Variants in TOP1 observed in about 807,000 individuals in gnomAD.
The protein encoded by TOP1 is DNA topoisomerase I.
Under a neutral mutation model 111.1 loss-of-function variants are expected in TOP1, and 10 were observed. The ratio of observed to expected loss-of-function variants is 0.09; its 90% confidence interval spans 0.06 to 0.15. The LOEUF (loss-of-function observed/expected upper bound fraction) is 0.15. Among genes scored for constraint, TOP1 ranks in the 10% least tolerant of loss-of-function variants. TOP1 has a pLI of 1.00. For synonymous variants in TOP1, 271 were observed against 302.9 expected, an observed-to-expected ratio of 0.89 and a Z score of 1.10; for missense variants, 474 against 926.7, an observed-to-expected ratio of 0.51 and a Z score of 6.34.
intron 8 of TOP1, among the ~76,000 whole-genome samples, chr20:41,087,671 C>CA (rs1379698045): frequency 6.6e-6 from 1 of 152,198 alleles, no homozygotes; most frequent in African/African-American, 2.4e-5. Context: ...GATTAGCATT[C>CA]AGAAGCTACA....
At chr20:41,075,406 C>T (rs1349535589) in intron 3 of TOP1, among the ~76,000 whole-genome samples, 2 of 152,150 alleles carry the variant, frequency 1.3e-5, no homozygotes, top group East Asian at 1.9e-4. Context: ...CTCCTGACCT[C>T]GTGATCCGCC....
chr20:41,040,360 A>G (rs2033246323), intron 2 of TOP1, among the ~76,000 whole-genome samples: 1 of 152,236 alleles, frequency 6.6e-6, no homozygotes, highest in Non-Finnish European at 1.5e-5. Context: ...GAATGGATGC[A>G]ATGTAAGTAG....
At position 41,121,957 on chromosome 20, in the gene TOP1, C is replaced by T. The variant is rs764714396; in HGVS notation, c.2046-49C>T. 1.9e-6 allele frequency: 3 copies of T among 1,607,894 alleles called. No individual in the cohort carries two copies. The highest frequency in any genetic ancestry group is 2.5e-6 in the Non-Finnish European group (3 of 1,177,036). ...AGTGGCAGGATGGGTACAGTGTGCT[C>T]TTGTCTAGAGCCCAGGCCTGGTTCT... On this transcript the variant is annotated intron_variant, in intron 19 of 20. Coordinates refer to ENST00000361337, the MANE Select transcript of TOP1 (RefSeq NM_003286.4). This position sits in a 1 kb window ranked among gnomAD's most constrained non-coding sequence, Gnocchi z 4.2.
chr20:41,061,613 T>G lies in TOP1; in HGVS notation c.155+123T>G, dbSNP rs1479573793. The stretch of plus-strand genomic sequence containing the variant: ...ATAGCAAAGTAAGTAGAAACTGTAT[T>G]TGATCCTAGAGTTGCTATGAGGATG... On this transcript the variant is annotated intron_variant, in intron 3 of 20. Coordinates refer to ENST00000361337, the MANE Select transcript of TOP1 (RefSeq NM_003286.4). The surrounding 1 kb of genome is among the most constrained non-coding windows in gnomAD (Gnocchi z 4.6). 1.1e-5 allele frequency: 9 copies of G among 839,278 alleles called. No individual in the cohort carries two copies. The East Asian group carries it at 2.4e-4, about 22-fold the overall frequency. The allele number at this position is 839,278 out of a possible 1,614,324, so 52.0% of individuals were successfully genotyped here. A position where few individuals can be genotyped will look rare whatever the true frequency, so the allele number is the denominator to read the frequency against.
intron 11 of TOP1, among the ~76,000 whole-genome samples, chr20:41,099,166 A>T (rs1233257237): frequency 6.6e-6 from 1 of 152,224 alleles, no homozygotes; most frequent in African/African-American, 2.4e-5. Flanking sequence ...GTATTGATAT[A>T]ACTCATTGTT....
In TOP1 at chr20:41,061,123, A is replaced by G. The variant is rs184808001; in HGVS notation, c.59-271A>G. ...CTTAATAGTATTATGTCTAGGGAGAAAAACGCCAAACTGTGGCTTCTTTCC... is the reference window on the plus strand; with the variant it reads ...CTTAATAGTATTATGTCTAGGGAGAGAAACGCCAAACTGTGGCTTCTTTCC... On this transcript the variant is annotated intron_variant, in intron 2 of 20. Transcript: ENST00000361337. This position sits in a 1 kb window ranked among gnomAD's most constrained non-coding sequence, Gnocchi z 4.6. Among the ~76,000 whole-genome samples, 62 of 152,346 alleles carry G rather than the reference A, an allele frequency of 4.1e-4. No individual in the cohort carries two copies. The highest frequency in any genetic ancestry group is 1.4e-3 in the African/African-American group (60 of 41,580).
At chr20:41,051,433 G>A (rs2033404418) in intron 2 of TOP1, among the ~76,000 whole-genome samples, 4 of 152,144 alleles carry the variant, frequency 2.6e-5, no homozygotes, top group African/African-American at 9.7e-5. Context: ...TGGAATAGTT[G>A]ATAAAACAGT....
rs751049827 is a variant in TOP1 at position 41,122,258 on chromosome 20, C to G, written c.2195+103C>G. ...TCACATGCCATTCCTAAGCTACACA[C>G]TTTAGTCCTCTGGGGAAACTTCTGG... is the stretch of plus-strand genomic sequence containing the variant. On this transcript the variant is annotated intron_variant, in intron 20 of 20. Transcript: ENST00000361337. This position sits in a 1 kb window ranked among gnomAD's most constrained non-coding sequence, Gnocchi z 5.4. 19 of 1,225,394 alleles carry G rather than the reference C, an allele frequency of 1.6e-5. No homozygotes were observed. Among genetic ancestry groups the G allele is most frequent in the Admixed American group, 2.1e-5 (1 of 46,968 alleles). 75.9% of individuals were successfully genotyped at this position (1,225,394 alleles called of 1,614,324 possible).
At position 41,080,050 on chromosome 20, in the gene TOP1, C is replaced by G. The variant is rs762095972; in HGVS notation, c.336-35C>G. ...TTTGTATTAATAGAATACAGATGTT[C>G]TAGCACTCTGACCAGCAATTTTTTT... is the stretch of plus-strand genomic sequence containing the variant. On this transcript the variant is annotated intron_variant, in intron 5 of 20. Transcript: ENST00000361337. The surrounding 1 kb of genome is among the most constrained non-coding windows in gnomAD (Gnocchi z 5.0). 8.8e-6 allele frequency: 11 copies of G among 1,248,626 alleles called. No individual in the cohort carries two copies. Among genetic ancestry groups the G allele is most frequent in the Middle Eastern group, 4.5e-4 (2 of 4,486 alleles). 77.3% of individuals were successfully genotyped at this position (1,248,626 alleles called of 1,614,324 possible). A position where few individuals can be genotyped will look rare whatever the true frequency, so the allele number is the denominator to read the frequency against.
Position 41,118,897 on chromosome 20 carries a change from C to T in TOP1, c.1950+601C>T, listed in dbSNP as rs1383490054. ...TTGTCCCTGAGCCTCTTTCCTCCTC[C>T]TAACTCCGCCTGGTACTGAGCTTTT... On this transcript the variant is annotated intron_variant, in intron 18 of 20. Transcript: ENST00000361337. The surrounding 1 kb of genome is among the most constrained non-coding windows in gnomAD (Gnocchi z 4.6). Among the ~76,000 whole-genome samples the T allele has an allele frequency of 6.6e-6, 1 of 152,198 alleles. No individual in the cohort carries two copies. Among genetic ancestry groups the T allele is most frequent in the East Asian group, 1.9e-4 (1 of 5,198 alleles).
rs2033810539 is a variant in TOP1, at chr20:41,083,281, TA to T, written c.508-1179del. 6.6e-6 allele frequency among the ~76,000 whole-genome samples: 1 copy of T among 152,174 alleles called. No homozygotes were observed. Among genetic ancestry groups the T allele is most frequent in the Admixed American group, 6.5e-5 (1 of 15,282 alleles). The stretch of plus-strand genomic sequence containing the variant: ...CCTAAATAGTAAACATTATCTGAAT[TA>T]ATGTGATCCTGTAGTACCTTCTCCC... On this transcript the variant is annotated intron_variant, in intron 7 of 20. Transcript: ENST00000361337. This position sits in a 1 kb window ranked among gnomAD's most constrained non-coding sequence, Gnocchi z 7.2.
chr20:41,068,617 G>A (rs575629733), intron 3 of TOP1, among the ~76,000 whole-genome samples: 25 of 152,134 alleles, frequency 1.6e-4, no homozygotes, highest in African/African-American at 5.8e-4. Context: ...TGTTGCCCAG[G>A]GTGGTCTGGA....
rs1275471479 is a variant in TOP1, at chr20:41,069,768, A to G, written c.156-6403A>G. ...TCAATTTGGAGCCCTGATATTTTCAATATTATATTTATCCCTATCATAGTA... is the reference window on the plus strand; with the variant it reads ...TCAATTTGGAGCCCTGATATTTTCAGTATTATATTTATCCCTATCATAGTA... On this transcript the variant is annotated intron_variant, in intron 3 of 20. Transcript: ENST00000361337. This position sits in a 1 kb window ranked among gnomAD's most constrained non-coding sequence, Gnocchi z 4.1. Among the ~76,000 whole-genome samples the G allele has an allele frequency of 2.0e-5, 3 of 152,228 alleles. No individual in the cohort carries two copies. The highest frequency in any genetic ancestry group is 4.8e-5 in the African/African-American group (2 of 41,460).
Position 41,098,171 on chromosome 20 carries a change from AT to A in TOP1, c.853-40del, listed in dbSNP as rs2034008741. On this transcript the variant is annotated intron_variant, in intron 10 of 20. Transcript: ENST00000361337. The surrounding 1 kb of genome is among the most constrained non-coding windows in gnomAD (Gnocchi z 5.7). ...AAGAAACCCAAGGACTTATTAGTGT[AT>A]TTTCGTTGTTTTTCTTTCATCTCCC... The A allele has an allele frequency of 6.2e-7, 1 of 1,604,958 alleles. No homozygotes were observed. The highest frequency in any genetic ancestry group is 1.3e-5 in the African/African-American group (1 of 74,694).
Position 41,058,492 on chromosome 20 carries a change from C to G in TOP1, c.59-2902C>G, listed in dbSNP as rs1323829302. On this transcript the variant is annotated intron_variant, in intron 2 of 20. Coordinates refer to ENST00000361337, the MANE Select transcript of TOP1 (RefSeq NM_003286.4). The surrounding 1 kb of genome is among the most constrained non-coding windows in gnomAD (Gnocchi z 4.2). ...ATGGCTCATTCACATGGCTAATTGG[C>G]AGGAAGCTTAAGTTTCTTACTACAT... Among the ~76,000 whole-genome samples the G allele has an allele frequency of 1.3e-5, 2 of 152,192 alleles. No individual in the cohort carries two copies. The highest frequency in any genetic ancestry group is 2.9e-5 in the Non-Finnish European group (2 of 68,026).
chr20:41,044,488 G>C (rs1339129332), intron 2 of TOP1, among the ~76,000 whole-genome samples: 2 of 152,192 alleles, frequency 1.3e-5, no homozygotes, highest in African/African-American at 4.8e-5. Flanking sequence ...AATAACTTCA[G>C]TTGAAATGTT....
Position 41,029,210 on chromosome 20 carries a change from CCCCCGGTGAGGGGCCGCCTGCCGGAGT to C in TOP1, c.33+111_33+137del. On this transcript the variant is annotated intron_variant, in intron 1 of 20. Transcript: ENST00000361337. This position sits in a 1 kb window ranked among gnomAD's most constrained non-coding sequence, Gnocchi z 6.1. ...GCCCGGCAGCTTTGACAGGCCGGAGCCCCCGGTGAGGGGCCGCCTGCCGGAGTAGATCGGCTCGCTAGGCCGCGAGCG... is the reference window on the plus strand; with the variant it reads ...GCCCGGCAGCTTTGACAGGCCGGAGCAGATCGGCTCGCTAGGCCGCGAGCG... 2.1e-6 allele frequency: 2 copies of C among 946,834 alleles called. No homozygotes were observed. The highest frequency in any genetic ancestry group is 2.9e-6 in the Non-Finnish European group (2 of 694,546). 58.7% of individuals were successfully genotyped at this position (946,834 alleles called of 1,614,324 possible).
rs1167414491 is a variant in TOP1, at chr20:41,095,125, C to T, written c.731-2095C>T. ...GGAGTGCAGTGGCACAATCTTGGCT[C>T]ACTGCAGCCTCCACCTCCAAGGTTC... On this transcript the variant is annotated intron_variant, in intron 9 of 20. Transcript: ENST00000361337. The surrounding 1 kb of genome is among the most constrained non-coding windows in gnomAD (Gnocchi z 4.6). Among the ~76,000 whole-genome samples the T allele has an allele frequency of 6.6e-6, 1 of 152,202 alleles. No individual in the cohort carries two copies. Among genetic ancestry groups the T allele is most frequent in the Admixed American group, 6.5e-5 (1 of 15,280 alleles).
chr20:41,038,910 C>T (rs1350274331), intron 2 of TOP1, among the ~76,000 whole-genome samples: 3 of 151,904 alleles, frequency 2.0e-5, no homozygotes, highest in African/African-American at 7.3e-5. Context: ...ATTGCTTAAG[C>T]CCCGGGAGGT....
Sources: gnomAD v4.1 joint callset for allele counts (sites outside exome capture counted in the v4.1 genomes callset) on GRCh38, gnomAD v4.1.1 for gene constraint, Gnocchi (gnomAD v3.1) non-coding constraint, MANE v1.5 for transcripts, NCBI Gene and HGNC (gene_info 2026-07-23, HGNC 2026-07-21) for gene names.